ANKS1B: variants seen among roughly 807,000 people sequenced by gnomAD.
ANKS1B encodes ankyrin repeat and sterile alpha motif domain-containing protein 1B.
ANKS1B carries 36 observed loss-of-function variants against 148.3 expected under a neutral mutation model. That is an observed-to-expected ratio of 0.24 (90% CI 0.19 to 0.32). ANKS1B has a LOEUF of 0.32. Among genes scored for constraint, ANKS1B ranks in the 10% least tolerant of loss-of-function variants. ANKS1B has a pLI of 1.00. For synonymous variants in ANKS1B, 542 were observed against 560.8 expected (o/e 0.97, Z 0.47); for missense variants, 1,157 against 1,542.6 (o/e 0.75, Z 4.19).
intron 8 of ANKS1B, among the ~76,000 whole-genome samples, chr12:99,709,695 T>C (rs892564187): frequency 6.6e-6 from 1 of 152,026 alleles, no homozygotes; most frequent in African/African-American, 2.4e-5. Flanking sequence ...ACAATGGTTC[T>C]TTCAGAAGAG....
chr12:99,138,666 G>A (rs189513551), intron 15 of ANKS1B, among the ~76,000 whole-genome samples: 37 of 152,284 alleles, frequency 2.4e-4, no homozygotes, highest in Non-Finnish European at 4.0e-4. Flanking sequence ...CTTCCACTCA[G>A]AGAGGCATTA....
chr12:99,934,573 C>G (rs2094709786), intron 1 of ANKS1B, among the ~76,000 whole-genome samples: 1 of 152,076 alleles, frequency 6.6e-6, no homozygotes. Flanking sequence ...TCACACTAGT[C>G]TCTAATGATC....
intron 17 of ANKS1B, among the ~76,000 whole-genome samples, chr12:99,029,503 CT>C (rs1191383958): frequency 2.6e-5 from 4 of 152,214 alleles, no homozygotes; most frequent in Admixed American, 2.0e-4. Flanking sequence ...GCACTGTTAT[CT>C]TTCTCCCCAT....
intron 17 of ANKS1B, among the ~76,000 whole-genome samples, chr12:98,971,119 TG>T (rs1056994117): frequency 2.6e-5 from 4 of 152,210 alleles, no homozygotes; most frequent in African/African-American, 9.6e-5. Context: ...TGGGTGACCT[TG>T]GCCAAGTTTT....
intron 17 of ANKS1B, chr12:99,048,764 A>C (rs2099964065): frequency 6.6e-6 from 1 of 152,404 alleles, no homozygotes; most frequent in African/African-American, 2.4e-5. Flanking sequence ...AAATGAGGAC[A>C]AATGTCAGGG....
At chr12:99,652,027 G>GTA (rs1210206266) in intron 9 of ANKS1B, among the ~76,000 whole-genome samples, 3 of 149,446 alleles carry the variant, frequency 2.0e-5, no homozygotes, top group Non-Finnish European at 3.0e-5. Context: ...CAATGAAAAT[G>GTA]TATATATATA....
intron 14 of ANKS1B, among the ~76,000 whole-genome samples, chr12:99,175,115 A>C (rs2078236913): frequency 6.6e-6 from 1 of 152,198 alleles, no homozygotes. Context: ...AGTCACATGC[A>C]TTTTGTTTTT....
At chr12:99,307,991 A>G (rs1463048168) in intron 12 of ANKS1B, among the ~76,000 whole-genome samples, 1 of 152,054 alleles carries the variant, frequency 6.6e-6, no homozygotes, top group Non-Finnish European at 1.5e-5. Context: ...CACAACATCA[A>G]ATAAGCCTTG....
chr12:99,138,033 T>TTTA (rs370729708), intron 15 of ANKS1B, among the ~76,000 whole-genome samples: 1 of 151,928 alleles, frequency 6.6e-6, no homozygotes, highest in African/African-American at 2.4e-5. Flanking sequence ...AGCAAATGTG[T>TTTA]TTATTATTAT....
intron 1 of ANKS1B, among the ~76,000 whole-genome samples, chr12:99,915,393 T>C (rs1446321075): frequency 2.0e-5 from 3 of 152,156 alleles, no homozygotes; most frequent in Non-Finnish European, 4.4e-5. Context: ...GGTGCTGAGC[T>C]GAGGCATGGG....
intron 17 of ANKS1B, among the ~76,000 whole-genome samples, chr12:98,833,469 G>T (rs1435477073): frequency 6.6e-6 from 1 of 152,076 alleles, no homozygotes; most frequent in Non-Finnish European, 1.5e-5. Flanking sequence ...ATCTTGTTGG[G>T]TAACTAGTTT....
At chr12:98,889,309 A>T (rs2099747042) in intron 17 of ANKS1B, among the ~76,000 whole-genome samples, 2 of 151,958 alleles carry the variant, frequency 1.3e-5, no homozygotes, top group South Asian at 4.1e-4. Flanking sequence ...ATTGGTGAAG[A>T]CTTTTGTGAA....
chr12:99,775,628 A>G lies in ANKS1B; in HGVS notation c.881T>C (p.Leu294Pro). The G allele has an allele frequency of 6.2e-7, 1 of 1,611,978 alleles. No individual in the cohort carries two copies. ...TGCATCTTCCTGTACAGGCTCTTCGAGGACTGTAGATCTTCCCACGCCTTC... is the reference window on the plus strand; with the variant it reads ...TGCATCTTCCTGTACAGGCTCTTCGGGGACTGTAGATCTTCCCACGCCTTC... The part of the protein sequence containing the change: ...YLEGVGRSTV[L>P]EEPVQEDATQ... The change falls in exon 7 of 27, where the codon CTC becomes CCC. Residue 294 changes from leucine to proline, a missense_variant. Around this residue, in one of 6 missense-constraint regions of ANKS1B, gnomAD observed 661 missense variants for 642.1 expected, o/e 1.03. Transcript: ENST00000683438.
At chr12:98,846,038 G>A (rs61933617) in intron 17 of ANKS1B, among the ~76,000 whole-genome samples, 9 of 83,856 alleles carry the variant, frequency 1.1e-4, no homozygotes, top group South Asian at 6.0e-4. Context: ...ATATATATAT[G>A]TATATTTTGT....
intron 12 of ANKS1B, among the ~76,000 whole-genome samples, chr12:99,327,350 A>G (rs2086630538): frequency 8.7e-6 from 1 of 114,332 alleles, no homozygotes; most frequent in Non-Finnish European, 1.8e-5. Flanking sequence ...TATTATAATT[A>G]CATATTATAT....
At chr12:99,618,251 G>T (rs2097996285) in intron 9 of ANKS1B, among the ~76,000 whole-genome samples, 1 of 152,068 alleles carries the variant, frequency 6.6e-6, no homozygotes, top group African/African-American at 2.4e-5. Context: ...AAAAGCTTTT[G>T]TATGTATAAG....
intron 3 of ANKS1B, among the ~76,000 whole-genome samples, chr12:99,811,666 A>C (rs2068390955): frequency 6.6e-6 from 1 of 151,840 alleles, no homozygotes; most frequent in Non-Finnish European, 1.5e-5. Flanking sequence ...ATATATATCA[A>C]AAAATTTTAA....
At chr12:99,795,264 A>G (rs2066110686) in intron 4 of ANKS1B, among the ~76,000 whole-genome samples, 1 of 151,848 alleles carries the variant, frequency 6.6e-6, no homozygotes. Flanking sequence ...TAACTTTAAG[A>G]CACTCTGAGG....
intron 1 of ANKS1B, among the ~76,000 whole-genome samples, chr12:99,911,910 T>A (rs56725915): frequency 0.19 from 29,391 of 152,072 alleles, 3,064 homozygotes; most frequent in Non-Finnish European, 0.24. Flanking sequence ...TATCTTAATA[T>A]GACAAACTTG....
Sources: gnomAD v4.1 joint callset for allele counts (sites outside exome capture counted in the v4.1 genomes callset) on GRCh38, gnomAD v4.1.1 for gene constraint, gnomAD v4.1.1 regional missense constraint, MANE v1.5 for transcripts, NCBI Gene and HGNC (gene_info 2026-07-23, HGNC 2026-07-21) for gene names.